SMG6: variants seen among roughly 807,000 people sequenced by gnomAD.
The protein encoded by SMG6 is SMG6 nonsense mediated mRNA decay factor.
In SMG6, 66 loss-of-function variants were observed where a neutral mutation model predicts 142.2. The observed-to-expected ratio is 0.46, with a 90% CI of 0.38 to 0.57. SMG6 has a LOEUF of 0.57. Ranked by LOEUF, SMG6 falls within the 20% of genes least tolerant of loss-of-function variation. The pLI is 0.00. For synonymous variants in SMG6, 779 were observed against 702.4 expected, an observed-to-expected ratio of 1.11 and a Z score of -1.72; for missense variants, 1,793 against 1,832.0, an observed-to-expected ratio of 0.98 and a Z score of 0.39.
At chr17:2,198,263 C>A (rs980155909) in intron 10 of SMG6, among the ~76,000 whole-genome samples, 1 of 152,150 alleles carries the variant, frequency 6.6e-6, no homozygotes, top group African/African-American at 2.4e-5. Context: ...ACAATCCCAT[C>A]TATATAATAT....
intron 13 of SMG6, among the ~76,000 whole-genome samples, chr17:2,134,322 G>A (rs997348451): frequency 6.8e-6 from 1 of 147,674 alleles, no homozygotes; most frequent in Non-Finnish European, 1.5e-5. Context: ...GGAGGCCGAG[G>A]CAGGCGAATT....
chr17:2,171,476 T>C (rs1001181925), intron 13 of SMG6, among the ~76,000 whole-genome samples: 1 of 151,970 alleles, frequency 6.6e-6, no homozygotes, highest in African/African-American at 2.4e-5. Flanking sequence ...TTTCCTCTTT[T>C]TATTTGTGTG....
Position 2,297,887 on chromosome 17 carries a change from G to T in SMG6, c.2016C>A (p.Asn672Lys). The change falls in exon 3 of 19, where the codon AAC becomes AAA. Residue 672 changes from asparagine (N) to lysine (K), a missense_variant. Around this residue, in one of 3 missense-constraint regions of SMG6, gnomAD observed 1,597 missense variants for 1,584.6 expected, o/e 1.01. Transcript: ENST00000263073. Reference protein sequence around the residue: ...PNVENPEQIRNRLLELLDEGS... With the variant: ...PNVENPEQIRKRLLELLDEGS... ...CCTCATCCAAGAGCTCCAAAAGTCT[G>T]TTCCGAATCTGTTCTGGGTTCTCAA... is the stretch of plus-strand genomic sequence containing the variant. 1 of 1,611,744 alleles carries T rather than the reference G, an allele frequency of 6.2e-7. No individual in the cohort carries two copies.
chr17:2,268,275 T>C (rs1308772559), intron 8 of SMG6, among the ~76,000 whole-genome samples: 1 of 152,148 alleles, frequency 6.6e-6, no homozygotes, highest in African/African-American at 2.4e-5. Flanking sequence ...ATGATACAAC[T>C]CTAGGAATTA....
Position 2,151,300 on chromosome 17 carries a change from T to C in SMG6, c.3357+21358A>G, listed in dbSNP as rs530221416. 7.2e-5 allele frequency among the ~76,000 whole-genome samples: 11 copies of C among 152,386 alleles called. No homozygotes were observed. In the East Asian group the frequency reaches 2.1e-3, roughly 29 times the overall value. ...TCCATTTTTAAAGCCTGAAATATTA[T>C]TCCACATTACAGTTTTATATTCAAT... On this transcript the variant is annotated intron_variant, in intron 13 of 18. Coordinates refer to ENST00000263073, the MANE Select transcript of SMG6 (RefSeq NM_017575.5).
At chr17:2,214,592 C>T (rs1399261273) in intron 10 of SMG6, among the ~76,000 whole-genome samples, 3 of 152,104 alleles carry the variant, frequency 2.0e-5, no homozygotes, top group Middle Eastern at 3.4e-3. Context: ...CGGCAGTCAA[C>T]GCTGACACAC....
chr17:2,154,419 A>G (rs1204997116), intron 13 of SMG6, among the ~76,000 whole-genome samples: 1 of 152,150 alleles, frequency 6.6e-6, no homozygotes, highest in Admixed American at 6.5e-5. Context: ...TACAGACAAC[A>G]CTATAAAACA....
At chr17:2,135,880 T>TCTCA (rs1281822338) in intron 13 of SMG6, among the ~76,000 whole-genome samples, 1 of 151,838 alleles carries the variant, frequency 6.6e-6, no homozygotes, top group Non-Finnish European at 1.5e-5. Flanking sequence ...AGAGATGGAA[T>TCTCA]CTCACTATGT....
intron 6 of SMG6, among the ~76,000 whole-genome samples, chr17:2,285,388 A>G (rs1282972766): frequency 6.6e-6 from 1 of 152,230 alleles, no homozygotes; most frequent in Non-Finnish European, 1.5e-5. Flanking sequence ...AGAAAGTGCG[A>G]ATCTAGGTCA....
chr17:2,284,745 G>C (rs890424997), intron 6 of SMG6, among the ~76,000 whole-genome samples: 2 of 152,132 alleles, frequency 1.3e-5, no homozygotes, highest in African/African-American at 4.8e-5. Flanking sequence ...GACACAGCAC[G>C]TTAACCTAGA....
intron 10 of SMG6, among the ~76,000 whole-genome samples, chr17:2,208,881 G>A (rs546086829): frequency 2.0e-5 from 3 of 152,284 alleles, no homozygotes; most frequent in East Asian, 1.9e-4. Flanking sequence ...ATAGATAGCC[G>A]TTAAAAAGCG....
chr17:2,118,363 ACC>A (rs2069573139), intron 13 of SMG6, among the ~76,000 whole-genome samples: 1 of 152,078 alleles, frequency 6.6e-6, no homozygotes, highest in African/African-American at 2.4e-5. Context: ...ACATGATGAA[ACC>A]CCGTCTCTAC....
Position 2,169,177 on chromosome 17 carries a change from C to G in SMG6, c.3357+3481G>C, listed in dbSNP as rs1474841057. 2.0e-5 allele frequency among the ~76,000 whole-genome samples: 3 copies of G among 151,688 alleles called. No individual in the cohort carries two copies. The South Asian group carries it at 6.2e-4, about 32-fold the overall frequency. ...CCAGCTACTCGGGAGGCTGAGGCAACAGAATCGCTTGAACCCGGGAGAAAG... is the reference window on the plus strand; with the variant it reads ...CCAGCTACTCGGGAGGCTGAGGCAAGAGAATCGCTTGAACCCGGGAGAAAG... On this transcript the variant is annotated intron_variant, in intron 13 of 18. Transcript: ENST00000263073.
intron 10 of SMG6, among the ~76,000 whole-genome samples, chr17:2,216,909 C>CAA (rs140476451): frequency 2.0e-5 from 3 of 149,596 alleles, no homozygotes; most frequent in African/African-American, 7.4e-5. Flanking sequence ...GTCAAAATGT[C>CAA]AAAAAAAAAC....
In SMG6 at chr17:2,186,744, C is replaced by T. The variant is rs1435451669; in HGVS notation, c.3074G>A (p.Ser1025Asn). The part of the protein sequence containing the change: ...FVPDLKELLP[S>N]VKVWSDWMLG... ...CATCCAATCTGACCAGACTTTGACA[C>T]TGGGGAGCAGCTCCTTCAGGTCCGG... The change falls in exon 12 of 19, where the codon AGT (serine) becomes AAT (asparagine). Residue 1025 changes from serine (S) to asparagine (N), a missense_variant. Physicochemically the swap from Ser to Asn is conservative, Grantham distance 46. Transcript: ENST00000263073. The T allele has an allele frequency of 6.2e-7, 1 of 1,614,214 alleles. No homozygotes were observed. Among genetic ancestry groups the T allele is most frequent in the Admixed American group, 1.7e-5 (1 of 60,026 alleles).
intron 10 of SMG6, among the ~76,000 whole-genome samples, chr17:2,197,119 GAAA>G (rs1675470190): frequency 6.6e-6 from 1 of 152,050 alleles, no homozygotes; most frequent in South Asian, 2.1e-4. Context: ...TCCATAAAAG[GAAA>G]AACTGATATA....
intron 8 of SMG6, among the ~76,000 whole-genome samples, chr17:2,274,734 A>G (rs2074611380): frequency 6.6e-6 from 1 of 152,224 alleles, no homozygotes; most frequent in African/African-American, 2.4e-5. Context: ...AGCACCAAGC[A>G]TGTTGCAGGA....
intron 9 of SMG6, chr17:2,236,958 G>C: frequency 9.3e-6 from 5 of 536,470 alleles, no homozygotes; most frequent in Non-Finnish European, 1.2e-5. Context: ...TAATATCAAA[G>C]TTTCTCTCTG....
rs186011687 is a variant in SMG6 at position 2,143,269 on chromosome 17, C to T, written c.3357+29389G>A. 5.3e-4 allele frequency among the ~76,000 whole-genome samples: 80 copies of T among 152,210 alleles called. 1 individual carries two copies. The highest frequency in any genetic ancestry group is 3.7e-3 in the Admixed American group (57 of 15,298). On this transcript the variant is annotated intron_variant, in intron 13 of 18. Transcript: ENST00000263073. ...ATGAAAACATATGTCCACATAAAAA[C>T]TCATACACAAATGTTCATATCAACA...
Sources: gnomAD v4.1 joint callset for allele counts (sites outside exome capture counted in the v4.1 genomes callset) on GRCh38, gnomAD v4.1.1 for gene constraint, gnomAD v4.1.1 regional missense constraint, MANE v1.5 for transcripts, NCBI Gene and HGNC (gene_info 2026-07-23, HGNC 2026-07-21) for gene names.